Variants in MSH4 observed in about 807,000 individuals in gnomAD.
MSH4 encodes mutS protein homolog 4.
Under a neutral mutation model 113.7 loss-of-function variants are expected in MSH4, and 106 were observed. The observed-to-expected ratio is 0.93, with a 90% confidence interval of 0.80 to 1.10. The LOEUF (loss-of-function observed/expected upper bound fraction) is 1.10, where lower values mean the gene tolerates loss of function less well. Among genes scored for constraint, MSH4 ranks in the 50% least tolerant of loss-of-function variants. The pLI is 0.00. For synonymous variants in MSH4, 368 were observed against 380.2 expected (o/e 0.97, Z 0.37); for missense variants, 1,061 against 1,093.7 (o/e 0.97, Z 0.42).
intron 19 of MSH4, among the ~76,000 whole-genome samples, chr1:75,909,654 TC>T (rs1412992793): frequency 9.9e-6 from 1 of 101,248 alleles, no homozygotes; most frequent in South Asian, 3.5e-4. Context: ...TCCCACCCCC[TC>T]CCCCCGCTGA....
chr1:75,884,981 A>ATG (rs1352037949), intron 15 of MSH4, among the ~76,000 whole-genome samples: 4 of 146,690 alleles, frequency 2.7e-5, no homozygotes, highest in African/African-American at 5.0e-5. Flanking sequence ...GTATGTATGT[A>ATG]TATATATGTG....
chr1:75,906,392 A>AT, intron 19 of MSH4, among the ~76,000 whole-genome samples: 1 of 112,596 alleles, frequency 8.9e-6, no homozygotes, highest in Non-Finnish European at 1.8e-5. Context: ...TGATTAAGTA[A>AT]TTTTTTCTGG....
intron 7 of MSH4, among the ~76,000 whole-genome samples, chr1:75,838,295 T>G: frequency 6.6e-6 from 1 of 152,188 alleles, no homozygotes; most frequent in African/African-American, 2.4e-5. Flanking sequence ...TCCCTTCCTC[T>G]GACTTCTGCT....
rs753330886 is a variant in MSH4 at position 75,890,846 on chromosome 1, A to G, written c.2355+22A>G. 7 of 1,495,760 alleles carry G rather than the reference A, an allele frequency of 4.7e-6. No homozygotes were observed. In the African/African-American group the frequency reaches 9.8e-5, roughly 21 times the overall value. The allele number at this position is 1,495,760 out of a possible 1,614,324, so 92.7% of individuals were successfully genotyped here. ...AAAGGTATTCTTTTATTTTAAGTAT[A>G]TTGATTTTGAGTCCTTCTTTATGTA... On this transcript the variant is annotated intron_variant, in intron 17 of 19. Transcript: ENST00000263187.
At chr1:75,839,624 TA>T (rs1251060282) in intron 7 of MSH4, among the ~76,000 whole-genome samples, 4 of 152,070 alleles carry the variant, frequency 2.6e-5, no homozygotes, top group Non-Finnish European at 5.9e-5. Context: ...ATCTCATGTC[TA>T]AAACACCAAA....
At chr1:75,868,208 C>A (rs1651630152) in intron 9 of MSH4, among the ~76,000 whole-genome samples, 1 of 152,120 alleles carries the variant, frequency 6.6e-6, no homozygotes, top group Non-Finnish European at 1.5e-5. Context: ...TTTAGTGCAT[C>A]ACATCAAGAG....
chr1:75,906,922 C>T (rs923844330), intron 19 of MSH4, among the ~76,000 whole-genome samples: 1 of 151,566 alleles, frequency 6.6e-6, no homozygotes. Context: ...CAAGCTCTGC[C>T]TCCTGGGTTC....
intron 9 of MSH4, among the ~76,000 whole-genome samples, chr1:75,871,664 A>G (rs973538713): frequency 2.0e-5 from 3 of 152,234 alleles, no homozygotes; most frequent in African/African-American, 7.2e-5. Flanking sequence ...GATTTCACAT[A>G]CTTTACAAGG....
chr1:75,822,276 G>A (rs1243482354), intron 6 of MSH4, 133 bp from the exon 7 acceptor site: 12 of 532,710 alleles, frequency 2.3e-5, no homozygotes, highest in Non-Finnish European at 3.0e-5. Flanking sequence ...GAGAGAGAGC[G>A]AGACTCTGTT....
rs747856662 is a variant in MSH4 at position 75,883,645 on chromosome 1, T to C, written c.1931T>C (p.Leu644Ser). 8 of 1,612,828 alleles carry C rather than the reference T, an allele frequency of 5.0e-6. No homozygotes were observed. The highest frequency in any genetic ancestry group is 6.8e-6 in the Non-Finnish European group (8 of 1,179,518). ...DYVRPEFTDT[L>S]AIKQGWHPIL... ...GTTCGACCAGAATTTACTGATACTT[T>C]AGCAATCAAACAGGGATGGCATCCT... Residue 644 changes from leucine to serine, a missense_variant, in exon 15 of 20, where the codon TTA becomes TCA. Transcript: ENST00000263187.
Position 75,889,387 on chromosome 1 carries a change from T to A in MSH4, c.2226+18T>A. 8.8e-7 allele frequency: 1 copy of A among 1,137,588 alleles called. No individual in the cohort carries two copies. The highest frequency in any genetic ancestry group is 1.3e-6 in the Non-Finnish European group (1 of 784,550). The allele number at this position is 1,137,588 out of a possible 1,614,324, so 70.5% of individuals were successfully genotyped here. A position where few individuals can be genotyped will look rare whatever the true frequency, so the allele number is the denominator to read the frequency against. The stretch of plus-strand genomic sequence containing the variant: ...TGAAAGAGGTACCCAAACAAAACTT[T>A]TCTTATGTTAAAAACATTAAATTCT... On this transcript the variant is annotated intron_variant, in intron 16 of 19. Coordinates refer to ENST00000263187, the MANE Select transcript of MSH4 (RefSeq NM_002440.4).
At chr1:75,825,691 C>T (rs575047211) in intron 7 of MSH4, among the ~76,000 whole-genome samples, 2 of 152,134 alleles carry the variant, frequency 1.3e-5, no homozygotes, top group African/African-American at 4.8e-5. Flanking sequence ...TGAATTTTAT[C>T]GAAGGCCTTT....
intron 14 of MSH4, among the ~76,000 whole-genome samples, chr1:75,881,984 T>C (rs1651944865): frequency 6.6e-6 from 1 of 152,084 alleles, no homozygotes; most frequent in Non-Finnish European, 1.5e-5. Context: ...GGTTGAATAA[T>C]TGTAGACTTC....
rs781400512 is a variant in MSH4, at chr1:75,844,229, A to G, written c.1163-3980A>G. ...TAATAACCATGAGTCATTAAGAAAT[A>G]GTTATCATTGTTCACTGTATTTCAA... On this transcript the variant is annotated intron_variant, in intron 7 of 19. Transcript: ENST00000263187. Among the ~76,000 whole-genome samples the G allele has an allele frequency of 3.9e-5, 6 of 152,262 alleles. No homozygotes were observed. The South Asian group carries it at 1.0e-3, about 26-fold the overall frequency.
chr1:75,877,149 G>T, intron 10 of MSH4, 149 bp downstream of exon 10: 1 of 432,686 alleles, frequency 2.3e-6, no homozygotes, highest in Non-Finnish European at 4.1e-6. Flanking sequence ...AATTCTAATT[G>T]TACATTTCAC....
At chr1:75,877,090 G>A in intron 10 of MSH4, 90 bp downstream of exon 10, 1 of 769,468 alleles carries the variant, frequency 1.3e-6, no homozygotes. Context: ...GTATTCTATG[G>A]AACAATTACT....
Position 75,796,914 on chromosome 1 carries a change from C to G in MSH4, c.-72C>G, listed in dbSNP as rs1225194853. The G allele has an allele frequency of 2.5e-6, 4 of 1,592,892 alleles. No individual in the cohort carries two copies. The highest frequency in any genetic ancestry group is 1.7e-5 in the Admixed American group (1 of 58,440). On this transcript the variant is annotated 5_prime_UTR_variant, in exon 1 of 20. Transcript: ENST00000263187. Reference sequence around the variant, plus strand: ...TCTCCCGCCCGTTTCAGCGGCGCAGCTTCTGTAGTTGGGCTACTGGAGGGG... The same window carrying G: ...TCTCCCGCCCGTTTCAGCGGCGCAGGTTCTGTAGTTGGGCTACTGGAGGGG...
At chr1:75,885,051 G>GTATA (rs1217705221) in intron 15 of MSH4, among the ~76,000 whole-genome samples, 11 of 113,314 alleles carry the variant, frequency 9.7e-5, no homozygotes, top group African/African-American at 4.7e-4. Context: ...GTGTGTGTGT[G>GTATA]TGTGTGTGTA....
intron 7 of MSH4, 62 bp downstream of exon 7, chr1:75,822,643 A>G: frequency 1.1e-6 from 1 of 881,634 alleles, no homozygotes; most frequent in Non-Finnish European, 1.6e-6. Context: ...TGGCTTAGTT[A>G]TTTTTCCATG....
Sources: gnomAD v4.1 joint callset for allele counts (sites outside exome capture counted in the v4.1 genomes callset) on GRCh38, gnomAD v4.1.1 for gene constraint, MANE v1.5 for transcripts, NCBI Gene and HGNC (gene_info 2026-07-23, HGNC 2026-07-21) for gene names.